The following FBXO4 variants were observed in gnomAD, a reference collection of about 807,000 sequenced individuals.
The protein encoded by FBXO4 is F-box protein 4.
In FBXO4, 36 loss-of-function variants were observed where a neutral mutation model predicts 43.7. The ratio of observed to expected loss-of-function variants is 0.82; its 90% CI spans 0.63 to 1.09. FBXO4 has a LOEUF of 1.09. FBXO4 is among the 50% of genes least tolerant of loss of function. The pLI is 0.00. For missense variants in FBXO4, 435 were observed against 474.1 expected, an observed-to-expected ratio of 0.92 and a Z score of 0.77; for synonymous variants, 180 against 165.6, an observed-to-expected ratio of 1.09 and a Z score of -0.67.
the FBXO4 span, among the ~76,000 whole-genome samples, chr5:42,035,276 A>T: frequency 6.6e-6 from 1 of 152,032 alleles, no homozygotes; most frequent in East Asian, 1.9e-4. Flanking sequence ...AAACAGAGGC[A>T]ATTTGACTTT....
the FBXO4 span, chr5:41,967,560 T>C: frequency 9.5e-7 from 1 of 1,055,044 alleles, no homozygotes; most frequent in Non-Finnish European, 1.4e-6. Context: ...TGCAGTGACA[T>C]TGCAATAGGC....
downstream of FBXO4, among the ~76,000 whole-genome samples, chr5:41,943,301 C>T (rs1752030906): frequency 6.6e-6 from 1 of 152,098 alleles, no homozygotes; most frequent in South Asian, 2.1e-4. Flanking sequence ...CAGGGATGAA[C>T]AAACCAAAAT....
the FBXO4 span, among the ~76,000 whole-genome samples, chr5:42,035,746 A>G: frequency 6.6e-6 from 1 of 152,146 alleles, no homozygotes; most frequent in Non-Finnish European, 1.5e-5. Flanking sequence ...CTTTTCCCAG[A>G]GGCAATTTTT....
chr5:42,023,881 T>C, the FBXO4 span, among the ~76,000 whole-genome samples: 1 of 152,020 alleles, frequency 6.6e-6, no homozygotes, highest in South Asian at 2.1e-4. Flanking sequence ...GAGCCGACTA[T>C]CTGCACCTTG....
At chr5:42,006,994 T>G in the FBXO4 span, among the ~76,000 whole-genome samples, 1 of 147,560 alleles carries the variant, frequency 6.8e-6, no homozygotes, top group Non-Finnish European at 1.5e-5. Flanking sequence ...ATTATATATA[T>G]CTATATATTT....
intron 3 of FBXO4, chr5:41,930,131 C>G (rs1751637999): frequency 2.0e-6 from 1 of 494,620 alleles, no homozygotes. Flanking sequence ...ACAATCCAGC[C>G]TTTAAGATTA....
At chr5:41,951,051 G>A in the FBXO4 span, among the ~76,000 whole-genome samples, 21 of 152,158 alleles carry the variant, frequency 1.4e-4, no homozygotes, top group African/African-American at 3.9e-4. Flanking sequence ...ATCACACACC[G>A]GGGCCTGTTG....
the FBXO4 span, among the ~76,000 whole-genome samples, chr5:42,017,297 A>T: frequency 2.0e-5 from 3 of 152,258 alleles, no homozygotes; most frequent in East Asian, 5.8e-4. Flanking sequence ...GAAAATATTG[A>T]TATCAAACGG....
the FBXO4 span, among the ~76,000 whole-genome samples, chr5:42,037,092 G>A: frequency 6.6e-6 from 1 of 152,012 alleles, no homozygotes; most frequent in African/African-American, 2.4e-5. Flanking sequence ...CTTTATTTTT[G>A]CATGGCTTCT....
chr5:41,934,506 TAAC>T (rs1430580211), intron 5 of FBXO4, 198 bp downstream of exon 5: 1 of 1,399,588 alleles, frequency 7.1e-7, no homozygotes, highest in Non-Finnish European at 9.4e-7. Context: ...TTAAACATGT[TAAC>T]AAGCTGATTC....
chr5:41,966,102 A>G, the FBXO4 span, among the ~76,000 whole-genome samples: 1 of 152,138 alleles, frequency 6.6e-6, no homozygotes, highest in South Asian at 2.1e-4. Flanking sequence ...AACAATGAGA[A>G]CACATGGACA....
the FBXO4 span, among the ~76,000 whole-genome samples, chr5:41,953,770 T>G: frequency 6.6e-6 from 1 of 151,894 alleles, no homozygotes; most frequent in East Asian, 1.9e-4. Context: ...TTTTTTCATG[T>G]GTCTTTTGGC....
chr5:41,992,080 T>TA, the FBXO4 span, among the ~76,000 whole-genome samples: 1 of 152,000 alleles, frequency 6.6e-6, no homozygotes, highest in South Asian at 2.1e-4. Context: ...ATCGGTCTCA[T>TA]AAAAAAATAT....
At chr5:42,010,348 G>GA in the FBXO4 span, among the ~76,000 whole-genome samples, 28 of 150,454 alleles carry the variant, frequency 1.9e-4, no homozygotes, top group African/African-American at 5.4e-4. Flanking sequence ...AGCTACAAAA[G>GA]AAAAAAAAAC....
At chr5:41,939,125 A>G (rs1290013315) in intron 5 of FBXO4, among the ~76,000 whole-genome samples, 1 of 152,218 alleles carries the variant, frequency 6.6e-6, no homozygotes, top group Non-Finnish European at 1.5e-5. Flanking sequence ...CAGATGGTCC[A>G]AACACTCCAA....
the FBXO4 span, among the ~76,000 whole-genome samples, chr5:42,003,298 G>A: frequency 6.6e-5 from 10 of 152,212 alleles, no homozygotes; most frequent in Admixed American, 3.9e-4. Context: ...AGGATGCAGT[G>A]TTGTAATTGG....
At chr5:42,006,333 A>ATCATGCCAAGGACCCCTT in the FBXO4 span, among the ~76,000 whole-genome samples, 4 of 152,142 alleles carry the variant, frequency 2.6e-5, no homozygotes, top group Non-Finnish European at 4.4e-5. Context: ...TGTGTTTTAT[A>ATCATGCCAAGGACCCCTT]TCATGCCAAG....
chr5:41,991,978 T>C, the FBXO4 span, among the ~76,000 whole-genome samples: 1 of 152,154 alleles, frequency 6.6e-6, no homozygotes, highest in South Asian at 2.1e-4. Flanking sequence ...CTCGGGAGGC[T>C]GAGGCAGGAG....
the FBXO4 span, among the ~76,000 whole-genome samples, chr5:42,001,702 A>G: frequency 0.18 from 26,737 of 151,774 alleles, 2,542 homozygotes; most frequent in Middle Eastern, 0.3. Flanking sequence ...TTCTATGTAT[A>G]TACTTTTGAG....
Sources: allele counts gnomAD v4.1 joint callset (sites outside exome capture counted in the v4.1 genomes callset), GRCh38; gene constraint gnomAD v4.1.1; transcripts MANE v1.5; gene names NCBI Gene and HGNC (gene_info 2026-07-23, HGNC 2026-07-21).